CAMK2G: variants seen among roughly 807,000 people sequenced by gnomAD.
CAMK2G encodes calcium/calmodulin-dependent protein kinase type II subunit gamma.
Under a neutral mutation model 88.7 loss-of-function variants are expected in CAMK2G, and 23 were observed. The observed-to-expected ratio is 0.26, with a 90% CI of 0.19 to 0.37. The LOEUF is 0.37. Ranked by LOEUF, CAMK2G falls within the 10% of genes least tolerant of loss-of-function variation. The pLI, the probability that CAMK2G is intolerant of heterozygous loss-of-function variation, is 1.00. For synonymous variants in CAMK2G, 263 were observed against 294.8 expected, an observed-to-expected ratio of 0.89 and a Z score of 1.11; for missense variants, 476 against 780.8, an observed-to-expected ratio of 0.61 and a Z score of 4.65.
At chr10:73,873,431 C>T (rs1280993518) in intron 1 of CAMK2G, 2 of 1,165,360 alleles carry the variant, frequency 1.7e-6, no homozygotes, top group Non-Finnish European at 2.1e-6. Context: ...GCCAAGAGAA[C>T]CAGGGCAGAA....
At position 73,824,096 on chromosome 10, in the gene CAMK2G, G is replaced by C. The variant is rs925091980; in HGVS notation, c.1156-12C>G. 2 of 1,610,026 alleles carry C rather than the reference G, an allele frequency of 1.2e-6. No individual in the cohort carries two copies. The highest frequency in any genetic ancestry group is 1.7e-6 in the Non-Finnish European group (2 of 1,176,478). The stretch of plus-strand genomic sequence containing the variant: ...GTGGTTTGTGGCTCCTGTGAGAGAA[G>C]ATGAAGATTACCCTTCCGACTTGGG... On this transcript the variant is annotated splice_polypyrimidine_tract_variant and intron_variant, in intron 16 of 22. Transcript: ENST00000423381.
chr10:73,862,030 C>A (rs1355388111), intron 2 of CAMK2G, among the ~76,000 whole-genome samples: 3 of 152,178 alleles, frequency 2.0e-5, no homozygotes, highest in Non-Finnish European at 4.4e-5. Flanking sequence ...TCTTCAAATT[C>A]AGACTCCAGG....
chr10:73,874,317 C>T (rs1301670535), intron 1 of CAMK2G, 80 bp downstream of exon 1: 22 of 941,198 alleles, frequency 2.3e-5, no homozygotes, highest in Non-Finnish European at 3.1e-5. Flanking sequence ...GCGGCCGGTG[C>T]AGGGCCGGGG....
intron 2 of CAMK2G, among the ~76,000 whole-genome samples, chr10:73,870,371 G>A (rs1305236449): frequency 2.0e-5 from 3 of 152,188 alleles, no homozygotes; most frequent in South Asian, 2.1e-4. Flanking sequence ...GACAAAGACA[G>A]TGCTCAACGC....
intron 2 of CAMK2G, among the ~76,000 whole-genome samples, chr10:73,864,368 C>T (rs563812731): frequency 1.3e-5 from 2 of 151,820 alleles, no homozygotes; most frequent in East Asian, 1.9e-4. Context: ...AAGACAGTGG[C>T]GAACAAAACA....
chr10:73,828,130 A>G lies in CAMK2G; in HGVS notation c.1054-9T>C, dbSNP rs1338790934. 6.2e-7 allele frequency: 1 copy of G among 1,611,948 alleles called. No individual in the cohort carries two copies. The highest frequency in any genetic ancestry group is 2.2e-5 in the East Asian group (1 of 44,864). On this transcript the variant is annotated splice_polypyrimidine_tract_variant and intron_variant, in intron 14 of 22. Transcript: ENST00000423381. ...GAACTCGACTTCCTTTTCTGGACAC[A>G]CCACAGCAAGAGGGAAAGAGAAGGG...
At chr10:73,846,061 G>T (rs938914264) in intron 10 of CAMK2G, among the ~76,000 whole-genome samples, 3 of 151,982 alleles carry the variant, frequency 2.0e-5, no homozygotes, top group African/African-American at 7.3e-5. Context: ...GAGACTACAG[G>T]CACATGCCAC....
At chr10:73,852,721 C>T (rs942323429) in intron 4 of CAMK2G, 3 of 243,428 alleles carry the variant, frequency 1.2e-5, no homozygotes, top group African/African-American at 6.8e-5. Context: ...GACACAGAGA[C>T]CCAACCCTGA....
intron 5 of CAMK2G, among the ~76,000 whole-genome samples, chr10:73,850,613 G>A (rs2094549473): frequency 1.3e-5 from 2 of 152,236 alleles, no homozygotes; most frequent in Non-Finnish European, 2.9e-5. Context: ...CAAGGCTGAG[G>A]AACTTGGCCT....
intron 18 of CAMK2G, 46 bp from the exon 19 acceptor site, chr10:73,819,691 A>T: frequency 8.2e-7 from 1 of 1,226,980 alleles, no homozygotes; most frequent in Non-Finnish European, 1.1e-6. Flanking sequence ...AGAGCAGCCA[A>T]AACAAACAGA....
At chr10:73,860,733 C>G in intron 3 of CAMK2G, 97 bp downstream of exon 3, 4 of 884,134 alleles carry the variant, frequency 4.5e-6, no homozygotes. Context: ...AGGTGAAGGT[C>G]CACAGACAGA....
Position 73,842,580 on chromosome 10 carries a change from A to C in CAMK2G, c.820-39T>G, listed in dbSNP as rs1409507527. On this transcript the variant is annotated intron_variant, in intron 10 of 22. Transcript: ENST00000423381. The surrounding 1 kb of genome is among the most constrained non-coding windows in gnomAD (Gnocchi z 4.6). The stretch of plus-strand genomic sequence containing the variant: ...AGACAGGCTATGAGCCCCAGCCCAG[A>C]TCCTCTGCGCCTCCCACAGTCCTGG... The C allele has an allele frequency of 6.9e-7, 1 of 1,453,162 alleles. No individual in the cohort carries two copies. The highest frequency in any genetic ancestry group is 9.7e-7 in the Non-Finnish European group (1 of 1,034,034). The allele number at this position is 1,453,162 out of a possible 1,614,324, so 90.0% of individuals were successfully genotyped here.
chr10:73,815,975 G>A, intron 21 of CAMK2G: 2 of 985,220 alleles, frequency 2.0e-6, no homozygotes, highest in Non-Finnish European at 1.2e-6. Context: ...CTCTGGAATT[G>A]CTTCTGGCTA....
chr10:73,864,633 CTT>C (rs1196064145), intron 2 of CAMK2G, among the ~76,000 whole-genome samples: 2 of 152,002 alleles, frequency 1.3e-5, no homozygotes, highest in African/African-American at 4.8e-5. Flanking sequence ...TTCCTCACTT[CTT>C]TTGTTTGTTT....
At chr10:73,855,605 C>T (rs2094969451) in intron 3 of CAMK2G, among the ~76,000 whole-genome samples, 1 of 152,212 alleles carries the variant, frequency 6.6e-6, no homozygotes, top group Non-Finnish European at 1.5e-5. Flanking sequence ...GTGCAGGCAC[C>T]CAGGCCTCTG....
rs1668255872 is a variant in CAMK2G, at chr10:73,842,731, A to G, written c.820-190T>C. 6.6e-6 allele frequency among the ~76,000 whole-genome samples: 1 copy of G among 152,224 alleles called. No individual in the cohort carries two copies. The highest frequency in any genetic ancestry group is 1.5e-5 in the Non-Finnish European group (1 of 68,042). On this transcript the variant is annotated intron_variant, in intron 10 of 22. Transcript: ENST00000423381. This position sits in a 1 kb window ranked among gnomAD's most constrained non-coding sequence, Gnocchi z 4.6. ...AGCACTACCCGAAACTCAAGGTTACATAAGGACAACATGAACGTGAGAACA... is the reference window on the plus strand; with the variant it reads ...AGCACTACCCGAAACTCAAGGTTACGTAAGGACAACATGAACGTGAGAACA...
chr10:73,824,183 T>C (rs1211217226), intron 16 of CAMK2G, 99 bp from the exon 17 acceptor site: 2 of 823,068 alleles, frequency 2.4e-6, no homozygotes, highest in Non-Finnish European at 4.2e-6. Flanking sequence ...GCAGACCCTA[T>C]GATGACCACT....
At chr10:73,846,812 T>C in intron 10 of CAMK2G, 1 of 172,652 alleles carries the variant, frequency 5.8e-6, no homozygotes, top group African/African-American at 2.4e-5. Context: ...TTTTAATGAC[T>C]CAGAAACCCC....
rs78177953 is a variant in CAMK2G, at chr10:73,816,362, C to A, written c.1534+661G>T. On this transcript the variant is annotated intron_variant, in intron 21 of 22. Coordinates refer to ENST00000423381, the MANE Select transcript of CAMK2G (RefSeq NM_001367534.1). Reference sequence around the variant, plus strand: ...GTTTTAATTTCCTCTATTGTGAAACCTGCAGACACAGAGCTTAGTTCTTAT... The same window carrying A: ...GTTTTAATTTCCTCTATTGTGAAACATGCAGACACAGAGCTTAGTTCTTAT... 13 of 1,000,400 alleles carry A rather than the reference C, an allele frequency of 1.3e-5. No individual in the cohort carries two copies. In the East Asian group the frequency reaches 1.3e-3, roughly 98 times the overall value. The allele number at this position is 1,000,400 out of a possible 1,614,324, so 62.0% of individuals were successfully genotyped here. A position where few individuals can be genotyped will look rare whatever the true frequency, so the allele number is the denominator to read the frequency against.
Sources: allele counts gnomAD v4.1 joint callset (sites outside exome capture counted in the v4.1 genomes callset), GRCh38; gene constraint gnomAD v4.1.1; non-coding constraint Gnocchi (gnomAD v3.1); transcripts MANE v1.5; gene names NCBI Gene and HGNC (gene_info 2026-07-23, HGNC 2026-07-21).